Variants in ELOVL5 observed in about 807,000 individuals in gnomAD.
ELOVL5 encodes the protein very long chain fatty acid elongase 5.
In ELOVL5, 8 loss-of-function variants were observed where a neutral mutation model predicts 38.6. That is an observed-to-expected ratio of 0.21 (90% CI 0.12 to 0.37). ELOVL5 has a LOEUF of 0.37. ELOVL5 is among the 10% of genes least tolerant of loss of function. The pLI, the probability that ELOVL5 is intolerant of heterozygous loss-of-function variation, is 1.00. For missense variants in ELOVL5, 280 were observed against 367.8 expected, an observed-to-expected ratio of 0.76 and a Z score of 1.95; for synonymous variants, 127 against 133.7, an observed-to-expected ratio of 0.95 and a Z score of 0.34.
chr6:53,320,965 CCTT>C (rs1355569012), intron 1 of ELOVL5, among the ~76,000 whole-genome samples: 2 of 152,274 alleles, frequency 1.3e-5, no homozygotes, highest in South Asian at 2.1e-4. Context: ...GATCACCTCT[CCTT>C]ATTTATGTAT....
At chr6:53,316,411 G>A (rs1768044370) in intron 1 of ELOVL5, among the ~76,000 whole-genome samples, 1 of 152,216 alleles carries the variant, frequency 6.6e-6, no homozygotes, top group Non-Finnish European at 1.5e-5. Context: ...GCTCTGCAAA[G>A]AGAGTAATAT....
chr6:53,282,971 A>G (rs1451114201), intron 3 of ELOVL5, among the ~76,000 whole-genome samples: 1 of 152,244 alleles, frequency 6.6e-6, no homozygotes, highest in East Asian at 1.9e-4. Context: ...ATGCTTTCAC[A>G]GCCCACAATT....
At chr6:53,286,929 T>G (rs1402878097) in intron 3 of ELOVL5, among the ~76,000 whole-genome samples, 1 of 152,330 alleles carries the variant, frequency 6.6e-6, no homozygotes, top group East Asian at 1.9e-4. Context: ...GGAAAGGGAC[T>G]GTACTTTAGA....
chr6:53,313,377 C>G (rs1767915472), intron 1 of ELOVL5, among the ~76,000 whole-genome samples: 1 of 128,256 alleles, frequency 7.8e-6, no homozygotes, highest in Non-Finnish European at 1.6e-5. Flanking sequence ...TATTTCATTT[C>G]TAAGATATGA....
intron 1 of ELOVL5, among the ~76,000 whole-genome samples, chr6:53,312,156 T>G (rs961167253): frequency 6.6e-5 from 10 of 152,160 alleles, no homozygotes; most frequent in Non-Finnish European, 1.2e-4. Flanking sequence ...AGTATAGGAA[T>G]ATAATTAAAT....
At chr6:53,335,006 G>A (rs969002527) in intron 1 of ELOVL5, among the ~76,000 whole-genome samples, 1 of 152,148 alleles carries the variant, frequency 6.6e-6, no homozygotes, top group African/African-American at 2.4e-5. Context: ...GTGATTCTGG[G>A]CAAGCCATTT....
rs750326471 is a variant in ELOVL5 at position 53,295,722 on chromosome 6, A to G, written c.-8-15T>C. ...CATTTGAAAACCTATTAAGAAAAAA[A>G]AAGATACTGATTAATCTCTACTCAA... On this transcript the variant is annotated splice_polypyrimidine_tract_variant and intron_variant, in intron 1 of 7. Coordinates refer to ENST00000304434, the MANE Select transcript of ELOVL5 (RefSeq NM_021814.5). The G allele has an allele frequency of 5.4e-6, 8 of 1,479,238 alleles. No individual in the cohort carries two copies. The African/African-American group carries it at 9.9e-5, about 18-fold the overall frequency. 91.6% of individuals were successfully genotyped at this position (1,479,238 alleles called of 1,614,324 possible).
At position 53,270,746 on chromosome 6, in the gene ELOVL5, T is replaced by C. The variant is rs774783374; in HGVS notation, c.622-19A>G. 4.3e-6 allele frequency: 7 copies of C among 1,613,966 alleles called. No individual in the cohort carries two copies. In the East Asian group the frequency reaches 1.3e-4, roughly 31 times the overall value. ...ACTGAAGCTAGGGGAACAGAGGGGA[T>C]GCAGCTGAACAGGGACAGTGCATGG... is the stretch of plus-strand genomic sequence containing the variant. On this transcript the variant is annotated intron_variant, in intron 6 of 7. Coordinates refer to ENST00000304434, the MANE Select transcript of ELOVL5 (RefSeq NM_021814.5).
intron 6 of ELOVL5, 147 bp downstream of exon 6, chr6:53,273,073 A>T: frequency 2.4e-6 from 2 of 840,698 alleles, no homozygotes; most frequent in East Asian, 2.6e-5. Context: ...AAAATTCCCT[A>T]ATCTACCCAC....
At chr6:53,308,990 G>A (rs1243061565) in intron 1 of ELOVL5, among the ~76,000 whole-genome samples, 2 of 152,000 alleles carry the variant, frequency 1.3e-5, no homozygotes, top group African/African-American at 2.4e-5. Flanking sequence ...TTCAAACACT[G>A]TGTGACATGG....
intron 1 of ELOVL5, among the ~76,000 whole-genome samples, chr6:53,338,591 C>T (rs538982546): frequency 4.3e-4 from 65 of 152,246 alleles, no homozygotes; most frequent in Middle Eastern, 3.4e-3. Context: ...TAACAGACAC[C>T]AAGATACTAC....
chr6:53,281,363 T>C (rs1318895284), intron 3 of ELOVL5, among the ~76,000 whole-genome samples: 1 of 152,198 alleles, frequency 6.6e-6, no homozygotes, highest in African/African-American at 2.4e-5. Context: ...CAACTGTGTA[T>C]TTTTTAGATC....
chr6:53,326,635 C>A (rs764784248), intron 1 of ELOVL5, among the ~76,000 whole-genome samples: 5 of 152,138 alleles, frequency 3.3e-5, no homozygotes, highest in African/African-American at 7.2e-5. Context: ...TAGGTTAGGT[C>A]CCTCTCTGTA....
intron 1 of ELOVL5, among the ~76,000 whole-genome samples, chr6:53,296,714 T>G (rs946339605): frequency 3.9e-5 from 6 of 152,162 alleles, no homozygotes; most frequent in Admixed American, 3.3e-4. Flanking sequence ...CTTCCCCAAT[T>G]TAAGATTTAC....
chr6:53,305,534 G>A (rs1371311477), intron 1 of ELOVL5, among the ~76,000 whole-genome samples: 4 of 150,424 alleles, frequency 2.7e-5, no homozygotes, highest in Non-Finnish European at 3.0e-5. Flanking sequence ...CGGGGCGGCC[G>A]GGCAGAGACG....
intron 1 of ELOVL5, among the ~76,000 whole-genome samples, chr6:53,304,618 G>A (rs1767405158): frequency 6.6e-6 from 1 of 152,092 alleles, no homozygotes; most frequent in African/African-American, 2.4e-5. Context: ...ACTGGGGAGT[G>A]GTGATGACTC....
intron 1 of ELOVL5, among the ~76,000 whole-genome samples, chr6:53,299,968 T>G (rs1358971108): frequency 6.6e-6 from 1 of 152,154 alleles, no homozygotes; most frequent in Non-Finnish European, 1.5e-5. Context: ...ATGATAATAA[T>G]TTTCAAATTA....
chr6:53,274,496 A>G (rs1380468679), intron 5 of ELOVL5, among the ~76,000 whole-genome samples: 1 of 152,168 alleles, frequency 6.6e-6, no homozygotes, highest in Non-Finnish European at 1.5e-5. Context: ...ACATTTGCTA[A>G]AACTCCCAGG....
chr6:53,328,826 G>A (rs927881490), intron 1 of ELOVL5, among the ~76,000 whole-genome samples: 5 of 152,094 alleles, frequency 3.3e-5, no homozygotes, highest in African/African-American at 9.7e-5. Flanking sequence ...TAATCTCTTC[G>A]TTTACTCCTT....
Sources: allele counts gnomAD v4.1 joint callset (sites outside exome capture counted in the v4.1 genomes callset), GRCh38; gene constraint gnomAD v4.1.1; transcripts MANE v1.5; gene names NCBI Gene and HGNC (gene_info 2026-07-23, HGNC 2026-07-21).